USP8: variants seen among roughly 807,000 people sequenced by gnomAD.
USP8 encodes the protein ubiquitin specific peptidase 8.
USP8 carries 27 observed loss-of-function variants against 130.0 expected under a neutral mutation model. The observed-to-expected ratio is 0.21, with a 90% CI of 0.15 to 0.29. The LOEUF (loss-of-function observed/expected upper bound fraction) is 0.29, where lower values mean the gene tolerates loss of function less well. Ranked by LOEUF, USP8 falls within the 10% of genes least tolerant of loss-of-function variation. The pLI is 1.00. For synonymous variants in USP8, 392 were observed against 444.1 expected (o/e 0.88, Z 1.48); for missense variants, 1,029 against 1,312.2 (o/e 0.78, Z 3.33).
rs1200679864 is a variant in USP8, at chr15:50,471,589, C to T, written c.687-44C>T. 3.1e-6 allele frequency: 5 copies of T among 1,593,696 alleles called. No homozygotes were observed. The East Asian group carries it at 6.7e-5, about 21-fold the overall frequency. The stretch of plus-strand genomic sequence containing the variant: ...GTGTCTTCTGTTAGTATATTAGGAC[C>T]TCTTGTTGACTTTTGCCCCAATTTA... On this transcript the variant is annotated intron_variant, in intron 7 of 19. Coordinates refer to ENST00000307179, the MANE Select transcript of USP8 (RefSeq NM_005154.5).
intron 8 of USP8, among the ~76,000 whole-genome samples, chr15:50,474,712 A>G (rs2051501722): frequency 6.6e-6 from 1 of 152,246 alleles, no homozygotes; most frequent in South Asian, 2.1e-4. Context: ...TCAAATGAAT[A>G]GACGATATAA....
chr15:50,433,838 C>T (rs1567596755), intron 1 of USP8, among the ~76,000 whole-genome samples: 1 of 152,134 alleles, frequency 6.6e-6, no homozygotes, highest in Non-Finnish European at 1.5e-5. Context: ...ATCTCCTGAC[C>T]TCGTGATCCG....
At chr15:50,439,564 G>A (rs556657913) in intron 2 of USP8, among the ~76,000 whole-genome samples, 2 of 152,138 alleles carry the variant, frequency 1.3e-5, no homozygotes, top group African/African-American at 2.4e-5. Context: ...CAAGGTGGGC[G>A]GATCACCTAA....
rs1050901425 is a variant in USP8 at position 50,503,307 on chromosome 15, T to G, written c.*4219T>G. The G allele has an allele frequency of 3.3e-5, 5 of 152,470 alleles. No homozygotes were observed. The highest frequency in any genetic ancestry group is 1.2e-4 in the African/African-American group (5 of 41,482). 9.4% of individuals were successfully genotyped at this position (152,470 alleles called of 1,614,324 possible). On this transcript the variant is annotated 3_prime_UTR_variant, in exon 20 of 20. Transcript: ENST00000307179. The stretch of plus-strand genomic sequence containing the variant: ...TTGCAGTGAGCTGAGATCATGCCAT[T>G]GCATTCCAGCCTGGGCGGAGCCCTA...
chr15:50,498,478 C>A, intron 18 of USP8, 118 bp from the exon 19 acceptor site: 1 of 1,341,718 alleles, frequency 7.5e-7, no homozygotes, highest in Non-Finnish European at 9.9e-7. Context: ...ACTAAAATTC[C>A]AAGTCTTTGT....
chr15:50,464,190 A>G (rs371628427), intron 6 of USP8, among the ~76,000 whole-genome samples: 18 of 152,334 alleles, frequency 1.2e-4, no homozygotes, highest in African/African-American at 4.3e-4. Flanking sequence ...CTAGTGTGGC[A>G]GTGATCCAGT....
rs118011012 is a variant in USP8, at chr15:50,495,522, G to A, written c.2659-326G>A. On this transcript the variant is annotated intron_variant, in intron 16 of 19. Transcript: ENST00000307179. ...TCACTATGTTGCACAAGTTGGTCTCGAACTCCTGGCCCCAAGCAGTCCTCC... is the reference window on the plus strand; with the variant it reads ...TCACTATGTTGCACAAGTTGGTCTCAAACTCCTGGCCCCAAGCAGTCCTCC... Among the ~76,000 whole-genome samples, 876 of 150,540 alleles carry A rather than the reference G, an allele frequency of 5.8e-3. 17 individuals are homozygous for A. In the East Asian group the frequency reaches 0.06, roughly 10 times the overall value.
At chr15:50,442,595 A>AAT (rs2050296335) in intron 3 of USP8, among the ~76,000 whole-genome samples, 4 of 151,832 alleles carry the variant, frequency 2.6e-5, no homozygotes, top group Non-Finnish European at 5.9e-5. Flanking sequence ...AGTAAAAAAA[A>AAT]CTAGCTGGGC....
Position 50,500,964 on chromosome 15 carries a change from T to C in USP8, c.*1876T>C, listed in dbSNP as rs1319537282. 3.6e-6 allele frequency: 3 copies of C among 829,298 alleles called. No homozygotes were observed. The highest frequency in any genetic ancestry group is 5.5e-5 in the East Asian group (2 of 36,454). 51.4% of individuals were successfully genotyped at this position (829,298 alleles called of 1,614,324 possible). ...TCTAAATTAAAAGGAAGTGATAATT[T>C]TGTTGTTAAATCATGCATATAGCCT... On this transcript the variant is annotated 3_prime_UTR_variant, in exon 20 of 20. Coordinates refer to ENST00000307179, the MANE Select transcript of USP8 (RefSeq NM_005154.5).
rs2052500472 is a variant in USP8 at position 50,498,534 on chromosome 15, T to A, written c.3039-62T>A. The A allele has an allele frequency of 2.8e-5, 42 of 1,491,878 alleles. 1 individual carries two copies. In the South Asian group the frequency reaches 5.8e-4, roughly 21 times the overall value. The allele number at this position is 1,491,878 out of a possible 1,614,324, so 92.4% of individuals were successfully genotyped here. A position where few individuals can be genotyped will look rare whatever the true frequency, so the allele number is the denominator to read the frequency against. On this transcript the variant is annotated intron_variant, in intron 18 of 19. Coordinates refer to ENST00000307179, the MANE Select transcript of USP8 (RefSeq NM_005154.5). Reference sequence around the variant, plus strand: ...TCCTGGCTAAAAATCTAGATGTTAATGAATGAGGATTCATCCTGGTATCTT... The same window carrying A: ...TCCTGGCTAAAAATCTAGATGTTAAAGAATGAGGATTCATCCTGGTATCTT...
intron 3 of USP8, among the ~76,000 whole-genome samples, chr15:50,444,106 T>G (rs2050345854): frequency 6.7e-6 from 1 of 149,276 alleles, no homozygotes; most frequent in Admixed American, 6.7e-5. Context: ...GGTTTTTTTT[T>G]TTTTTTTTTT....
intron 11 of USP8, among the ~76,000 whole-genome samples, chr15:50,482,954 T>C (rs1268677521): frequency 6.6e-6 from 1 of 152,188 alleles, no homozygotes; most frequent in Non-Finnish European, 1.5e-5. Context: ...TAACCTCTGC[T>C]ATTAAAAAAG....
chr15:50,480,630 A>C (rs2051731808), intron 10 of USP8, among the ~76,000 whole-genome samples: 1 of 152,086 alleles, frequency 6.6e-6, no homozygotes, highest in African/African-American at 2.4e-5. Context: ...GCATCTTGGA[A>C]TAATTTTTTT....
intron 5 of USP8, among the ~76,000 whole-genome samples, chr15:50,459,996 C>CCCCCCCCCTTTT (rs567135111): frequency 1.1e-5 from 1 of 91,986 alleles, no homozygotes; most frequent in Non-Finnish European, 2.1e-5. Context: ...CACCCCCCCC[C>CCCCCCCCCTTTT]TTTTTTTTTT....
chr15:50,493,037 A>T, intron 15 of USP8, 124 bp downstream of exon 15: 1 of 1,030,602 alleles, frequency 9.7e-7, no homozygotes, highest in Non-Finnish European at 1.5e-6. Context: ...ATTTGTAAAG[A>T]ACAAAAATTT....
In USP8 at chr15:50,501,045, C is replaced by A. The variant is rs2052576006; in HGVS notation, c.*1957C>A. 1 of 507,038 alleles carries A rather than the reference C, an allele frequency of 2.0e-6. No homozygotes were observed. 31.4% of individuals were successfully genotyped at this position (507,038 alleles called of 1,614,324 possible). A position where few individuals can be genotyped will look rare whatever the true frequency, so the allele number is the denominator to read the frequency against. On this transcript the variant is annotated 3_prime_UTR_variant, in exon 20 of 20. Coordinates refer to ENST00000307179, the MANE Select transcript of USP8 (RefSeq NM_005154.5). ...ACTACTTATATGTTGTGCCCATTGA[C>A]TATCATCTGTGAATAAAGAAAGACA...
intron 4 of USP8, among the ~76,000 whole-genome samples, chr15:50,450,169 A>G (rs1264551791): frequency 6.6e-6 from 1 of 152,082 alleles, no homozygotes; most frequent in East Asian, 1.9e-4. Context: ...TGCTGAGATT[A>G]CAGGCGTGAG....
chr15:50,453,860 CTTTTTTTTTTTT>C (rs71124355), intron 4 of USP8, among the ~76,000 whole-genome samples: 1 of 86,962 alleles, frequency 1.1e-5, no homozygotes, highest in East Asian at 3.7e-4. Flanking sequence ...TGGGAATATT[CTTTTTTTTTTTT>C]TTTTTTTTTT....
intron 1 of USP8, among the ~76,000 whole-genome samples, chr15:50,436,628 G>A (rs1441313317): frequency 1.3e-5 from 2 of 151,962 alleles, no homozygotes; most frequent in African/African-American, 4.8e-5. Context: ...CTCCTGAGTA[G>A]CTGGGATTAC....
Sources: gnomAD v4.1 joint callset for allele counts (sites outside exome capture counted in the v4.1 genomes callset) on GRCh38, gnomAD v4.1.1 for gene constraint, MANE v1.5 for transcripts, NCBI Gene and HGNC (gene_info 2026-07-23, HGNC 2026-07-21) for gene names.